Variants in PSMA1 observed in about 807,000 individuals in gnomAD.
PSMA1 encodes the protein proteasome 20S subunit alpha 1.
A neutral mutation model predicts 38.4 loss-of-function variants in PSMA1; 3 were observed. The observed-to-expected ratio is 0.08, with a 90% CI of 0.04 to 0.20. PSMA1 has a LOEUF of 0.20. PSMA1 is among the 10% of genes least tolerant of loss of function. The pLI is 1.00. For missense variants in PSMA1, 227 were observed against 325.3 expected (o/e 0.70, Z 2.32); for synonymous variants, 101 against 107.1 (o/e 0.94, Z 0.35).
At chr11:14,592,534 C>T (rs1002775374) in intron 2 of PSMA1, among the ~76,000 whole-genome samples, 18 of 151,996 alleles carry the variant, frequency 1.2e-4, no homozygotes, top group Non-Finnish European at 2.5e-4. Context: ...TACAGGCGCC[C>T]GCCACCACAC....
chr11:14,619,270 G>A lies in PSMA1; in HGVS notation c.-165-8119C>T, dbSNP rs190736994. Among the ~76,000 whole-genome samples, 928 of 152,128 alleles carry A rather than the reference G, an allele frequency of 6.1e-3. 8 individuals carry two copies. Among genetic ancestry groups the A allele is most frequent in the South Asian group, 8.7e-3 (42 of 4,810 alleles). On this transcript the variant is annotated intron_variant, in intron 1 of 10. Coordinates refer to the PSMA1 transcript ENST00000418988. ...TCAAGACCAGCCCGGGCAACATGGC[G>A]AAAACTTGCCTCTACAAAAATAAAA...
At chr11:14,617,996 C>T (rs1213860715) in intron 1 of PSMA1, among the ~76,000 whole-genome samples, 1 of 152,122 alleles carries the variant, frequency 6.6e-6, no homozygotes, top group Non-Finnish European at 1.5e-5. Context: ...AAACTATGTT[C>T]TAGTAGTTTT....
intron 2 of PSMA1, among the ~76,000 whole-genome samples, chr11:14,559,829 A>C (rs973935998): frequency 6.6e-6 from 1 of 152,234 alleles, no homozygotes; most frequent in African/African-American, 2.4e-5. Flanking sequence ...ATAGACTCTG[A>C]GATGGATATT....
intron 2 of PSMA1, among the ~76,000 whole-genome samples, chr11:14,543,057 C>T (rs940154833): frequency 1.3e-5 from 2 of 152,162 alleles, no homozygotes; most frequent in Admixed American, 1.3e-4. Context: ...TTTTGAACTC[C>T]TGAGTTTAGG....
At chr11:14,552,260 A>G (rs1489617543) in intron 2 of PSMA1, among the ~76,000 whole-genome samples, 3 of 152,204 alleles carry the variant, frequency 2.0e-5, no homozygotes, top group Non-Finnish European at 4.4e-5. Context: ...CAAAAGCCAC[A>G]GTCTCTACTC....
chr11:14,595,625 T>C (rs1852480879), intron 2 of PSMA1, among the ~76,000 whole-genome samples: 1 of 152,254 alleles, frequency 6.6e-6, no homozygotes. Flanking sequence ...TTGAGTTCTT[T>C]GTAGATTCTG....
chr11:14,517,188 C>G (rs1363347627), intron 4 of PSMA1, among the ~76,000 whole-genome samples: 4 of 152,140 alleles, frequency 2.6e-5, no homozygotes, highest in Non-Finnish European at 2.9e-5. Flanking sequence ...CCTTCAAGTT[C>G]CCTTAAGACA....
intron 2 of PSMA1, among the ~76,000 whole-genome samples, chr11:14,594,066 G>A (rs1326530446): frequency 6.6e-6 from 1 of 152,146 alleles, no homozygotes; most frequent in Non-Finnish European, 1.5e-5. Flanking sequence ...AAGAGATGTT[G>A]GACAAAGCTA....
At chr11:14,574,310 C>A (rs1852186211) in intron 2 of PSMA1, among the ~76,000 whole-genome samples, 1 of 152,166 alleles carries the variant, frequency 6.6e-6, no homozygotes, top group Non-Finnish European at 1.5e-5. Flanking sequence ...GCCCAGGGCA[C>A]ACTGCTCCCT....
chr11:14,551,518 G>A (rs1851885345), intron 2 of PSMA1, among the ~76,000 whole-genome samples: 1 of 152,178 alleles, frequency 6.6e-6, no homozygotes, highest in Non-Finnish European at 1.5e-5. Flanking sequence ...GCTGTCAGGG[G>A]GAAGAGAGTC....
intron 2 of PSMA1, among the ~76,000 whole-genome samples, chr11:14,576,809 C>G (rs904326952): frequency 6.6e-6 from 1 of 152,140 alleles, no homozygotes; most frequent in East Asian, 1.9e-4. Flanking sequence ...TTTTCCAATT[C>G]TGTGAAGAAA....
At position 14,626,706 on chromosome 11, in the gene PSMA1, A is replaced by C. The variant is rs534875019; in HGVS notation, c.-165-15555T>G. Among the ~76,000 whole-genome samples the C allele has an allele frequency of 2.0e-4, 31 of 152,346 alleles. No homozygotes were observed. The South Asian group carries it at 6.2e-3, about 31-fold the overall frequency. On this transcript the variant is annotated intron_variant, in intron 1 of 10. Coordinates refer to the PSMA1 transcript ENST00000418988. ...CTGTTGCAAAGTTCAAGTGTAACAG[A>C]GCACGTGAAAAGGCTTTGTAAATTA...
chr11:14,575,739 T>C (rs1852205515), intron 2 of PSMA1, among the ~76,000 whole-genome samples: 1 of 152,242 alleles, frequency 6.6e-6, no homozygotes, highest in Non-Finnish European at 1.5e-5. Flanking sequence ...TGTGTCTTTA[T>C]AGCAGCATGA....
chr11:14,591,038 C>T (rs944703952), intron 2 of PSMA1, among the ~76,000 whole-genome samples: 9 of 152,214 alleles, frequency 5.9e-5, no homozygotes, highest in African/African-American at 9.6e-5. Flanking sequence ...AGGCCAGAGC[C>T]GGCTCCCTCA....
intron 2 of PSMA1, among the ~76,000 whole-genome samples, chr11:14,518,369 G>A (rs1302894491): frequency 6.6e-6 from 1 of 152,142 alleles, no homozygotes. Flanking sequence ...AAAGTGCTGG[G>A]ATTACAGGCA....
intron 2 of PSMA1, among the ~76,000 whole-genome samples, chr11:14,571,803 A>G (rs1458039515): frequency 6.6e-6 from 1 of 152,204 alleles, no homozygotes; most frequent in African/African-American, 2.4e-5. Flanking sequence ...GGCTCAAAAT[A>G]AAGGGATGGA....
At chr11:14,633,397 G>T (rs1233461700) in intron 1 of PSMA1, among the ~76,000 whole-genome samples, 1 of 151,830 alleles carries the variant, frequency 6.6e-6, no homozygotes, top group East Asian at 1.9e-4. Flanking sequence ...GTACCCTGCC[G>T]TGTGAGGTGT....
chr11:14,615,629 T>C (rs1050021160), intron 1 of PSMA1, among the ~76,000 whole-genome samples: 1 of 152,206 alleles, frequency 6.6e-6, no homozygotes, highest in African/African-American at 2.4e-5. Flanking sequence ...TGCTTCACTG[T>C]CCTTAACTGC....
rs770424672 is a variant in PSMA1, at chr11:14,611,038, G to T, written c.-52C>A. 9.5e-6 allele frequency: 15 copies of T among 1,570,986 alleles called. No homozygotes were observed. In the South Asian group the frequency reaches 1.7e-4, roughly 17 times the overall value. On this transcript the variant is annotated 5_prime_UTR_variant, in exon 2 of 11. Transcript: ENST00000418988. ...TAGACCAACATACAACATAGGTCTG[G>T]ATTTGACTTGTCATTGTCTTTTCCC...
Sources: allele counts gnomAD v4.1 joint callset (sites outside exome capture counted in the v4.1 genomes callset), GRCh38; gene constraint gnomAD v4.1.1; transcripts MANE v1.5; gene names NCBI Gene and HGNC (gene_info 2026-07-23, HGNC 2026-07-21).